NRXN1: variants seen among roughly 807,000 people sequenced by gnomAD.
The protein encoded by NRXN1 is neurexin 1, also known as neurexin-1.
A neutral mutation model predicts 150.9 loss-of-function variants in NRXN1; 39 were observed. The observed-to-expected ratio is 0.26, with a 90% confidence interval of 0.20 to 0.34. The LOEUF is 0.34. Ranked by LOEUF, NRXN1 falls within the 10% of genes least tolerant of loss-of-function variation. The pLI is 1.00. For synonymous variants in NRXN1, 924 were observed against 757.0 expected (o/e 1.22, Z -3.62); for missense variants, 1,815 against 1,949.9 (o/e 0.93, Z 1.30).
At chr2:50,893,437 C>T (rs971945818) in intron 5 of NRXN1, among the ~76,000 whole-genome samples, 1 of 152,092 alleles carries the variant, frequency 6.6e-6, no homozygotes, top group Non-Finnish European at 1.5e-5. Context: ...ATATATAAGG[C>T]AGCCTCAATA....
intron 12 of NRXN1, among the ~76,000 whole-genome samples, chr2:50,525,877 T>G (rs958943227): frequency 6.6e-6 from 1 of 152,202 alleles, no homozygotes; most frequent in African/African-American, 2.4e-5. Flanking sequence ...CTGGCCTTTC[T>G]CAGAGGAAAT....
chr2:50,531,710 T>C (rs764026312), intron 10 of NRXN1, among the ~76,000 whole-genome samples: 8 of 152,086 alleles, frequency 5.3e-5, no homozygotes, highest in Non-Finnish European at 1.0e-4. Context: ...GCATTAATCA[T>C]GTTGAATTTT....
Position 50,665,372 on chromosome 2 carries a change from A to T in NRXN1, c.833-41757T>A, listed in dbSNP as rs143532404. 3.6e-4 allele frequency among the ~76,000 whole-genome samples: 54 copies of T among 152,078 alleles called. No individual in the cohort carries two copies. The East Asian group carries it at 9.2e-3, about 26-fold the overall frequency. ...CTGAATTTTAAACAGATAAATGCCA[A>T]CCAGAATTAACTTATTTCATGCAGC... On this transcript the variant is annotated intron_variant, in intron 5 of 22. Coordinates refer to ENST00000401669, the MANE Select transcript of NRXN1 (RefSeq NM_001330078.2).
rs112364713 is a variant in NRXN1 at position 49,919,839 on chromosome 2, T to C, written c.*2105A>G. The stretch of plus-strand genomic sequence containing the variant: ...GATAGTGGTGATTTGCTATGAATTA[T>C]ACATATTTCTAAGGTGCTGTATGTC... On this transcript the variant is annotated 3_prime_UTR_variant, in exon 23 of 23. Coordinates refer to ENST00000401669, the MANE Select transcript of NRXN1 (RefSeq NM_001330078.2). The C allele has an allele frequency of 1.3e-5, 2 of 152,200 alleles. No individual in the cohort carries two copies. The highest frequency in any genetic ancestry group is 2.9e-5 in the Non-Finnish European group (2 of 67,996). The allele number at this position is 152,200 out of a possible 1,614,324, so 9.4% of individuals were successfully genotyped here.
At position 50,086,845 on chromosome 2, in the gene NRXN1, A is replaced by AGAGAAG. The variant is rs1553592597; in HGVS notation, c.3718+4477_3718+4478insCTTCTC. 4.3e-3 allele frequency among the ~76,000 whole-genome samples: 648 copies of AGAGAAG among 150,934 alleles called. 6 individuals carry two copies. The highest frequency in any genetic ancestry group is 0.015 in the African/African-American group (597 of 40,472). The stretch of plus-strand genomic sequence containing the variant: ...ATGAGAGAGAGAGAGAGAGAGAGAG[A>AGAGAAG]GAGAGCGAGCCGAAAATGCGGGCAT... On this transcript the variant is annotated intron_variant, in intron 19 of 22. Transcript: ENST00000401669.
chr2:51,017,203 T>C (rs994184726), intron 2 of NRXN1, among the ~76,000 whole-genome samples: 3 of 151,974 alleles, frequency 2.0e-5, no homozygotes, highest in Non-Finnish European at 1.5e-5. Flanking sequence ...TGTATACCTA[T>C]ATAACAAACC....
intron 19 of NRXN1, among the ~76,000 whole-genome samples, chr2:50,080,290 A>T (rs537636709): frequency 2.0e-5 from 3 of 152,196 alleles, no homozygotes; most frequent in Non-Finnish European, 4.4e-5. Flanking sequence ...ATTACTAGTT[A>T]TTGTCACTAA....
chr2:50,387,736 G>A (rs2081419699), intron 17 of NRXN1, among the ~76,000 whole-genome samples: 1 of 151,774 alleles, frequency 6.6e-6, no homozygotes, highest in Non-Finnish European at 1.5e-5. Flanking sequence ...GCTCTTAATG[G>A]CATTTTCAAA....
At chr2:50,042,649 G>T (rs1691177305) in intron 21 of NRXN1, among the ~76,000 whole-genome samples, 1 of 151,376 alleles carries the variant, frequency 6.6e-6, no homozygotes, top group South Asian at 2.1e-4. Flanking sequence ...CTTACTAAGT[G>T]TCCTTTTTGT....
chr2:50,184,769 G>T (rs1219216750), intron 18 of NRXN1, among the ~76,000 whole-genome samples: 4 of 151,742 alleles, frequency 2.6e-5, no homozygotes, highest in Non-Finnish European at 5.9e-5. Context: ...CAATATACTT[G>T]ATAATTGTAG....
intron 18 of NRXN1, among the ~76,000 whole-genome samples, chr2:50,114,000 A>T (rs1702706878): frequency 6.6e-6 from 1 of 152,136 alleles, no homozygotes; most frequent in Non-Finnish European, 1.5e-5. Context: ...TATATATACA[A>T]GTATATACAC....
At chr2:50,580,963 T>A (rs575871094) in intron 8 of NRXN1, among the ~76,000 whole-genome samples, 101 of 152,284 alleles carry the variant, frequency 6.6e-4, no homozygotes, top group African/African-American at 2.0e-3. Context: ...TAATCGAAGG[T>A]AATATAACCT....
intron 5 of NRXN1, among the ~76,000 whole-genome samples, chr2:50,921,497 A>G (rs1456120598): frequency 4.0e-5 from 6 of 151,768 alleles, no homozygotes; most frequent in Admixed American, 4.0e-4. Context: ...TCAATACAGA[A>G]TGGCTAGGGC....
At chr2:50,994,495 G>A (rs1012450782) in intron 2 of NRXN1, among the ~76,000 whole-genome samples, 1 of 151,980 alleles carries the variant, frequency 6.6e-6, no homozygotes, top group Non-Finnish European at 1.5e-5. Flanking sequence ...CATAGCCAGA[G>A]AGGCAGAACA....
At chr2:50,019,223 A>C (rs541371609) in intron 21 of NRXN1, 1 of 471,462 alleles carries the variant, frequency 2.1e-6, no homozygotes, top group Non-Finnish European at 4.4e-6. Flanking sequence ...TCATTCTCTC[A>C]GTTTAGTACT....
intron 5 of NRXN1, among the ~76,000 whole-genome samples, chr2:50,663,790 C>A (rs1274470509): frequency 6.6e-6 from 1 of 152,006 alleles, no homozygotes. Context: ...ACTACATCCA[C>A]TTATTGATTC....
intron 8 of NRXN1, among the ~76,000 whole-genome samples, chr2:50,573,054 A>ACGG (rs1670885526): frequency 1.3e-4 from 20 of 152,298 alleles, no homozygotes; most frequent in Admixed American, 1.1e-3. Flanking sequence ...TGAGTTAAAA[A>ACGG]TGCATTATTA....
At chr2:50,969,482 A>G (rs1406064333) in intron 2 of NRXN1, among the ~76,000 whole-genome samples, 1 of 152,150 alleles carries the variant, frequency 6.6e-6, no homozygotes, top group East Asian at 1.9e-4. Flanking sequence ...TATGATGGTA[A>G]TTTATCAGTG....
At chr2:50,076,878 T>A (rs1697188526) in intron 19 of NRXN1, among the ~76,000 whole-genome samples, 1 of 152,186 alleles carries the variant, frequency 6.6e-6, no homozygotes, top group Non-Finnish European at 1.5e-5. Flanking sequence ...ACCAGTGGTA[T>A]CACAACCTTA....
Sources: gnomAD v4.1 joint callset for allele counts (sites outside exome capture counted in the v4.1 genomes callset) on GRCh38, gnomAD v4.1.1 for gene constraint, MANE v1.5 for transcripts, NCBI Gene and HGNC (gene_info 2026-07-23, HGNC 2026-07-21) for gene names.